Variants in PROKR2 observed in about 807,000 individuals in gnomAD.
The protein encoded by PROKR2 is prokineticin receptor 2, also known as G protein-coupled receptor 73-like 1.
In PROKR2, 26 loss-of-function variants were observed where a neutral mutation model predicts 23.4. That is an observed-to-expected ratio of 1.11 (90% CI 0.81 to 1.54). PROKR2 has a LOEUF of 1.54. Among genes scored for constraint, PROKR2 ranks in the 40% most tolerant of loss-of-function variants. The pLI, the probability that PROKR2 is intolerant of heterozygous loss-of-function variation, is 0.00. For missense variants in PROKR2, 453 were observed against 511.5 expected (o/e 0.89, Z 1.10); for synonymous variants, 212 against 201.2 (o/e 1.05, Z -0.45).
Position 5,299,920 on chromosome 20 carries a change from G to A in PROKR2, c.*2120C>T, listed in dbSNP as rs116122679. ...GATTACAGATGTGAGCCACCATGCC[G>A]GCCTGCATTTTCTGAGAGTACAATG... On this transcript the variant is annotated 3_prime_UTR_variant, in exon 3 of 3. Transcript: ENST00000678254. Among the ~76,000 whole-genome samples the A allele has an allele frequency of 0.029, 4,485 of 152,238 alleles. 216 individuals carry two copies. The highest frequency in any genetic ancestry group is 0.099 in the African/African-American group (4,115 of 41,534).
At chr20:5,309,541 T>C (rs139610278) in intron 2 of PROKR2, among the ~76,000 whole-genome samples, 197 of 152,350 alleles carry the variant, frequency 1.3e-3, no homozygotes, top group African/African-American at 4.2e-3. Flanking sequence ...TGTGATTTCA[T>C]TGGGTCCACC....
intron 2 of PROKR2, among the ~76,000 whole-genome samples, chr20:5,307,187 G>A (rs1050559954): frequency 6.6e-6 from 1 of 152,116 alleles, no homozygotes; most frequent in African/African-American, 2.4e-5. Flanking sequence ...CCACCCACCT[G>A]GGGACAGATC....
chr20:5,308,378 C>T (rs572528663), intron 2 of PROKR2, among the ~76,000 whole-genome samples: 1 of 152,374 alleles, frequency 6.6e-6, no homozygotes, highest in Non-Finnish European at 1.5e-5. Flanking sequence ...CGTTCTTAAA[C>T]CACAAACAAT....
At chr20:5,315,237 A>ATTCC (rs1265319713) in intron 1 of PROKR2, among the ~76,000 whole-genome samples, 1 of 151,936 alleles carries the variant, frequency 6.6e-6, no homozygotes, top group Non-Finnish European at 1.5e-5. Flanking sequence ...CAGCTCCAGA[A>ATTCC]AGAAATCCTC....
At position 5,316,730 on chromosome 20, in the gene PROKR2, A is replaced by T. The variant is rs1269898745; in HGVS notation, c.-245T>A. ...GCGCTCCGGCCCCACAGCTCTTTCC[A>T]GCGTCTCGGACCTGTGCGCCCCGCC... On this transcript the variant is annotated 5_prime_UTR_variant, in exon 1 of 3. Transcript: ENST00000678254. The surrounding 1 kb of genome is among the most constrained non-coding windows in gnomAD (Gnocchi z 5.0). 6.6e-6 allele frequency among the ~76,000 whole-genome samples: 1 copy of T among 152,004 alleles called. No individual in the cohort carries two copies. Among genetic ancestry groups the T allele is most frequent in the Non-Finnish European group, 1.5e-5 (1 of 67,988 alleles).
rs1979658475 is a variant in PROKR2, at chr20:5,316,050, C to T, written c.-9+444G>A. 2.2e-6 allele frequency: 1 copy of T among 456,616 alleles called. No individual in the cohort carries two copies. Among genetic ancestry groups the T allele is most frequent in the South Asian group, 1.5e-5 (1 of 64,582 alleles). 28.3% of individuals were successfully genotyped at this position (456,616 alleles called of 1,614,324 possible). A position where few individuals can be genotyped will look rare whatever the true frequency, so the allele number is the denominator to read the frequency against. On this transcript the variant is annotated intron_variant, in intron 1 of 2. Transcript: ENST00000678254. This position sits in a 1 kb window ranked among gnomAD's most constrained non-coding sequence, Gnocchi z 5.0. Reference sequence around the variant, plus strand: ...ATCCTGGCAAAGACAGGAATCAAGTCAGAAATTCAGGCTCTAGAAGCAAAG... The same window carrying T: ...ATCCTGGCAAAGACAGGAATCAAGTTAGAAATTCAGGCTCTAGAAGCAAAG...
chr20:5,302,767 T>C lies in PROKR2; in HGVS notation c.459-31A>G, dbSNP rs1341717799. 4.5e-6 allele frequency: 7 copies of C among 1,540,406 alleles called. No individual in the cohort carries two copies. In the African/African-American group the frequency reaches 6.8e-5, roughly 15 times the overall value. On this transcript the variant is annotated intron_variant, in intron 2 of 2. Coordinates refer to ENST00000678254, the MANE Select transcript of PROKR2 (RefSeq NM_144773.4). ...GGGGGAGGGAAGCCAACAGTAGTAATGATGAATACGTGGAAACGTTAGTTT... is the reference window on the plus strand; with the variant it reads ...GGGGGAGGGAAGCCAACAGTAGTAACGATGAATACGTGGAAACGTTAGTTT...
At chr20:5,305,978 G>T (rs1456200796) in intron 2 of PROKR2, among the ~76,000 whole-genome samples, 1 of 152,172 alleles carries the variant, frequency 6.6e-6, no homozygotes, top group African/African-American at 2.4e-5. Flanking sequence ...AACATATGAT[G>T]CATGAAATGG....
Position 5,316,402 on chromosome 20 carries a change from C to T in PROKR2, c.-9+92G>A, listed in dbSNP as rs1979676506. On this transcript the variant is annotated intron_variant, in intron 1 of 2. Transcript: ENST00000678254. The surrounding 1 kb of genome is among the most constrained non-coding windows in gnomAD (Gnocchi z 5.0). ...GCGGGAGGCAAAGCAGCCGGAATGC[C>T]CGAGAAAAAAGTGGGCGTCAGAGGC... 2.2e-6 allele frequency: 1 copy of T among 456,168 alleles called. No homozygotes were observed. Among genetic ancestry groups the T allele is most frequent in the Non-Finnish European group, 4.4e-6 (1 of 226,860 alleles). The allele number at this position is 456,168 out of a possible 1,614,324, so 28.3% of individuals were successfully genotyped here.
chr20:5,301,898 G>T lies in PROKR2; in HGVS notation c.*142C>A. The T allele has an allele frequency of 1.4e-6, 1 of 691,064 alleles. No homozygotes were observed. Among genetic ancestry groups the T allele is most frequent in the Non-Finnish European group, 2.5e-6 (1 of 406,058 alleles). The allele number at this position is 691,064 out of a possible 1,614,324, so 42.8% of individuals were successfully genotyped here. A position where few individuals can be genotyped will look rare whatever the true frequency, so the allele number is the denominator to read the frequency against. On this transcript the variant is annotated 3_prime_UTR_variant, in exon 3 of 3. Transcript: ENST00000678254. ...CATGTCTAGTCTCATTGTATGTTAC[G>T]ACTTTGCAGCATTCAGCTTCTTGAG...
rs1452895421 is a variant in PROKR2 at position 5,300,827 on chromosome 20, T to C, written c.*1213A>G. ...CATTGCCAGTGGCAACCTCCACTTT[T>C]TTCTCTGTCCTCTTTCCCCCTGACC... On this transcript the variant is annotated 3_prime_UTR_variant, in exon 3 of 3. Coordinates refer to ENST00000678254, the MANE Select transcript of PROKR2 (RefSeq NM_144773.4). Among the ~76,000 whole-genome samples the C allele has an allele frequency of 6.6e-6, 1 of 152,122 alleles. No homozygotes were observed. Among genetic ancestry groups the C allele is most frequent in the East Asian group, 1.9e-4 (1 of 5,192 alleles).
chr20:5,299,630 T>C lies in PROKR2; in HGVS notation c.*2410A>G. ...TATTATAGTGTGTTTGCATTTTCTT[T>C]TATTTTCCTTTTGAGATGGAATCTT... On this transcript the variant is annotated 3_prime_UTR_variant, in exon 3 of 3. Coordinates refer to ENST00000678254, the MANE Select transcript of PROKR2 (RefSeq NM_144773.4). Among the ~76,000 whole-genome samples the C allele has an allele frequency of 6.6e-6, 1 of 152,138 alleles. No homozygotes were observed. Among genetic ancestry groups the C allele is most frequent in the East Asian group, 1.9e-4 (1 of 5,194 alleles).
intron 2 of PROKR2, among the ~76,000 whole-genome samples, chr20:5,312,773 G>A (rs184594464): frequency 1.9e-3 from 296 of 152,322 alleles, no homozygotes; most frequent in South Asian, 0.018. Context: ...AAGAGAAGGT[G>A]ACCACTGCCC....
intron 2 of PROKR2, among the ~76,000 whole-genome samples, chr20:5,306,604 A>T (rs1029285130): frequency 6.6e-6 from 1 of 152,250 alleles, no homozygotes; most frequent in Non-Finnish European, 1.5e-5. Context: ...CCTATACTTC[A>T]GCTCAAAAAG....
intron 2 of PROKR2, among the ~76,000 whole-genome samples, chr20:5,305,410 G>A (rs1979181807): frequency 6.6e-6 from 1 of 152,236 alleles, no homozygotes; most frequent in Admixed American, 6.5e-5. Context: ...TTCTAGGAAG[G>A]TCTAGCTTAA....
chr20:5,311,982 C>A (rs970196467), intron 2 of PROKR2, among the ~76,000 whole-genome samples: 1 of 152,140 alleles, frequency 6.6e-6, no homozygotes, highest in East Asian at 1.9e-4. Context: ...CTCTAGAGAA[C>A]CCTGACTAAT....
chr20:5,309,891 T>C (rs942808307), intron 2 of PROKR2, among the ~76,000 whole-genome samples: 3 of 152,246 alleles, frequency 2.0e-5, no homozygotes, highest in African/African-American at 7.2e-5. Context: ...ATAACATCTT[T>C]CTCATTGTAT....
chr20:5,313,563 T>A (rs1979521715), intron 2 of PROKR2, among the ~76,000 whole-genome samples: 1 of 152,238 alleles, frequency 6.6e-6, no homozygotes, highest in Non-Finnish European at 1.5e-5. Flanking sequence ...GCCTAGTACA[T>A]GTTTTCCTGA....
chr20:5,299,301 C>T lies in PROKR2; in HGVS notation c.*2739G>A, dbSNP rs977095593. On this transcript the variant is annotated 3_prime_UTR_variant, in exon 3 of 3. Transcript: ENST00000678254. ...AATCACAAATACACACTGATATTTACAAAAGTTTTTTCAGTTAAATTTCAA... is the reference window on the plus strand; with the variant it reads ...AATCACAAATACACACTGATATTTATAAAAGTTTTTTCAGTTAAATTTCAA... 6.6e-6 allele frequency among the ~76,000 whole-genome samples: 1 copy of T among 151,930 alleles called. No individual in the cohort carries two copies. Among genetic ancestry groups the T allele is most frequent in the African/African-American group, 2.4e-5 (1 of 41,348 alleles).
Sources: gnomAD v4.1 joint callset for allele counts (sites outside exome capture counted in the v4.1 genomes callset) on GRCh38, gnomAD v4.1.1 for gene constraint, Gnocchi (gnomAD v3.1) non-coding constraint, MANE v1.5 for transcripts, NCBI Gene and HGNC (gene_info 2026-07-23, HGNC 2026-07-21) for gene names.